TLN1: variants seen among roughly 807,000 people sequenced by gnomAD.
TLN1 encodes talin-1.
A neutral mutation model predicts 292.3 loss-of-function variants in TLN1; 56 were observed. The observed-to-expected ratio is 0.19, with a 90% confidence interval of 0.15 to 0.24. The LOEUF (loss-of-function observed/expected upper bound fraction) is 0.24, where lower values mean the gene tolerates loss of function less well. TLN1 is among the 10% of genes least tolerant of loss of function. The pLI is 1.00. For synonymous variants in TLN1, 1,119 were observed against 1,253.7 expected (o/e 0.89, Z 2.27); for missense variants, 2,433 against 3,248.2 (o/e 0.75, Z 6.10).
At position 35,697,486 on chromosome 9, in the gene TLN1, C is replaced by A; in HGVS notation, c.*305G>T. On this transcript the variant is annotated 3_prime_UTR_variant, in exon 57 of 57. Transcript: ENST00000314888. ...GTGGGGACTGGCCGGAAGCTGCTGGCAGGGTGGAGTGGGCTGGGGCCCCGG... is the reference window on the plus strand; with the variant it reads ...GTGGGGACTGGCCGGAAGCTGCTGGAAGGGTGGAGTGGGCTGGGGCCCCGG... The A allele has an allele frequency of 2.7e-6, 1 of 373,664 alleles. No homozygotes were observed. Among genetic ancestry groups the A allele is most frequent in the Non-Finnish European group, 4.9e-6 (1 of 205,476 alleles). 23.1% of individuals were successfully genotyped at this position (373,664 alleles called of 1,614,324 possible).
intron 17 of TLN1, among the ~76,000 whole-genome samples, chr9:35,718,356 C>T (rs923865633): frequency 6.6e-6 from 1 of 152,182 alleles, no homozygotes; most frequent in East Asian, 1.9e-4. Context: ...AGGCTGTTAC[C>T]GTAGGGGAAT....
In TLN1 at chr9:35,720,797, G is replaced by A. The variant is rs1437755738; in HGVS notation, c.1206+15C>T. ...AAGAGGCGATAAGGAGAAGGCTAGG[G>A]CAGGCAGTGCTCACCTTCTTCAGGA... is the stretch of plus-strand genomic sequence containing the variant. On this transcript the variant is annotated intron_variant, in intron 11 of 56. Coordinates refer to ENST00000314888, the MANE Select transcript of TLN1 (RefSeq NM_006289.4). 1.2e-6 allele frequency: 2 copies of A among 1,608,388 alleles called. No individual in the cohort carries two copies. The highest frequency in any genetic ancestry group is 2.7e-5 in the African/African-American group (2 of 74,802).
intron 20 of TLN1, 60 bp downstream of exon 20, chr9:35,716,330 C>T: frequency 6.3e-7 from 1 of 1,589,990 alleles, no homozygotes; most frequent in Non-Finnish European, 8.6e-7. Context: ...GGGTGACCAT[C>T]TGGACTGCTC....
In TLN1 at chr9:35,720,229, G is replaced by A. The variant is rs1190603289; in HGVS notation, c.1284-10C>T. On this transcript the variant is annotated splice_polypyrimidine_tract_variant and intron_variant, in intron 12 of 56. Transcript: ENST00000314888. ...CTGCAGGACTGTTGACCTGTAGAGG[G>A]GTGAACTATTGAGCTCACAGAGGAC... The A allele has an allele frequency of 1.3e-6, 2 of 1,571,768 alleles. No homozygotes were observed. Among genetic ancestry groups the A allele is most frequent in the South Asian group, 1.2e-5 (1 of 83,898 alleles).
At position 35,704,685 on chromosome 9, in the gene TLN1, C is replaced by G. The variant is rs771306375; in HGVS notation, c.5864G>C (p.Arg1955Pro). ...YTKKELIECA[R>P]RVSEKVSHVL... is the part of the protein sequence containing the mutation. ...CACCGTCACCTTCTCAGAGACTCTC[C>G]GGGCACACTCTATGAGCTCCTTCTT... Residue 1955 changes from arginine (R) to proline (P), a missense_variant, in exon 44 of 57, where the codon CGG becomes CCG. Arg to Pro is a moderately radical substitution (Grantham distance 103). Coordinates refer to ENST00000314888, the MANE Select transcript of TLN1 (RefSeq NM_006289.4). The surrounding 1 kb of genome is among the most constrained non-coding windows in gnomAD (Gnocchi z 6.9). The G allele has an allele frequency of 1.9e-6, 3 of 1,614,044 alleles. No homozygotes were observed. The South Asian group carries it at 3.3e-5, about 18-fold the overall frequency.
Position 35,707,286 on chromosome 9 carries a change from A to C in TLN1, c.4774-33T>G, listed in dbSNP as rs1182328587. ...GAGGGGAGGCAGGAAGGTAAGTCTC[A>C]GGAGTCCCTGGAAGATGAGGTGATA... On this transcript the variant is annotated intron_variant, in intron 36 of 56. Coordinates refer to ENST00000314888, the MANE Select transcript of TLN1 (RefSeq NM_006289.4). This position sits in a 1 kb window ranked among gnomAD's most constrained non-coding sequence, Gnocchi z 5.6. 5 of 1,606,340 alleles carry C rather than the reference A, an allele frequency of 3.1e-6. No individual in the cohort carries two copies. The highest frequency in any genetic ancestry group is 1.7e-5 in the Admixed American group (1 of 59,690).
chr9:35,699,886 A>C lies in TLN1; in HGVS notation c.6768+88T>G, dbSNP rs1825432491. The C allele has an allele frequency of 7.9e-6, 11 of 1,394,308 alleles. No homozygotes were observed. Among genetic ancestry groups the C allele is most frequent in the Middle Eastern group, 4.6e-4 (2 of 4,304 alleles). 86.4% of individuals were successfully genotyped at this position (1,394,308 alleles called of 1,614,324 possible). On this transcript the variant is annotated intron_variant, in intron 50 of 56. Transcript: ENST00000314888. This position sits in a 1 kb window ranked among gnomAD's most constrained non-coding sequence, Gnocchi z 4.0. ...GGTGGGGTAGGGAGGAGATCTGAGC[A>C]AAACAGACAGCAGGGTGCGAGGCCT...
At chr9:35,718,074 A>G (rs1298778904) in intron 17 of TLN1, among the ~76,000 whole-genome samples, 1 of 152,172 alleles carries the variant, frequency 6.6e-6, no homozygotes, top group African/African-American at 2.4e-5. Flanking sequence ...CGCTGTTACA[A>G]TGGGGTGGGG....
chr9:35,720,023 G>C lies in TLN1; in HGVS notation c.1464+16C>G, dbSNP rs377550571. 4.4e-6 allele frequency: 7 copies of C among 1,577,750 alleles called. No homozygotes were observed. In the African/African-American group the frequency reaches 6.8e-5, roughly 15 times the overall value. On this transcript the variant is annotated intron_variant, in intron 13 of 56. Coordinates refer to ENST00000314888, the MANE Select transcript of TLN1 (RefSeq NM_006289.4). ...AGAGAAGGGCCCTGGCACCGTGGTGGAAGTGGGACACTTACCAGAGGAGGC... is the reference window on the plus strand; with the variant it reads ...AGAGAAGGGCCCTGGCACCGTGGTGCAAGTGGGACACTTACCAGAGGAGGC...
At position 35,702,174 on chromosome 9, in the gene TLN1, T is replaced by C. The variant is rs1353145974; in HGVS notation, c.6474+1386A>G. ...GTGGCTAAGATGGTGAAGTCAAAGA[T>C]GACTGAGGTGGAATCTTCATGACTG... On this transcript the variant is annotated intron_variant, in intron 48 of 56. Coordinates refer to ENST00000314888, the MANE Select transcript of TLN1 (RefSeq NM_006289.4). 6.6e-5 allele frequency among the ~76,000 whole-genome samples: 10 copies of C among 152,072 alleles called. 1 individual carries two copies. Among genetic ancestry groups the C allele is most frequent in the Admixed American group, 6.5e-4 (10 of 15,270 alleles).
In TLN1 at chr9:35,725,272, T is replaced by A; in HGVS notation, c.180A>T (p.Ile60=). Residue 60 remains isoleucine (I), a synonymous_variant, in exon 3 of 57, where the codon ATA becomes ATT. Transcript: ENST00000314888. ...FLSDDDPKKG[I]WLEAGKALDY... is the part of the protein sequence containing the mutation. ...CCAAAGCTTTCCCAGCCTCCAGCCA[T>A]ATACCCTTTTTGGGGTCATCATCTG... The A allele has an allele frequency of 6.2e-7, 1 of 1,614,172 alleles. No homozygotes were observed. Among genetic ancestry groups the A allele is most frequent in the Non-Finnish European group, 8.5e-7 (1 of 1,180,030 alleles).
chr9:35,722,979 C>T, intron 7 of TLN1, 58 bp from the exon 8 acceptor site: 1 of 1,529,190 alleles, frequency 6.5e-7, no homozygotes, highest in Admixed American at 1.7e-5. Flanking sequence ...ACATGTGGGC[C>T]ATGAACTGTG....
rs1453247162 is a variant in TLN1 at position 35,725,170 on chromosome 9, C to T, written c.228+54G>A. On this transcript the variant is annotated intron_variant, in intron 3 of 56. Transcript: ENST00000314888. ...TGGGTGCTGAAAACAGGAGGTGGAA[C>T]AGGGAGAAGCTGATGGAAGGGGATG... The T allele has an allele frequency of 2.5e-6, 4 of 1,594,390 alleles. No homozygotes were observed. In the African/African-American group the frequency reaches 4.0e-5, roughly 16 times the overall value.
rs778651165 is a variant in TLN1, at chr9:35,697,509, C to T, written c.*282G>A. 14 of 416,988 alleles carry T rather than the reference C, an allele frequency of 3.4e-5. No individual in the cohort carries two copies. The highest frequency in any genetic ancestry group is 1.2e-4 in the East Asian group (3 of 24,278). 25.8% of individuals were successfully genotyped at this position (416,988 alleles called of 1,614,324 possible). On this transcript the variant is annotated 3_prime_UTR_variant, in exon 57 of 57. Coordinates refer to ENST00000314888, the MANE Select transcript of TLN1 (RefSeq NM_006289.4). The stretch of plus-strand genomic sequence containing the variant: ...GGCAGGGTGGAGTGGGCTGGGGCCC[C>T]GGCAGATTCAGATCGAGGTACAGCA...
Position 35,717,890 on chromosome 9 carries a change from G to A in TLN1, c.1996-104C>T, listed in dbSNP as rs570733125. 1.4e-6 allele frequency: 2 copies of A among 1,398,902 alleles called. No homozygotes were observed. The highest frequency in any genetic ancestry group is 1.9e-6 in the Non-Finnish European group (2 of 1,030,924). The allele number at this position is 1,398,902 out of a possible 1,614,324, so 86.7% of individuals were successfully genotyped here. On this transcript the variant is annotated intron_variant, in intron 17 of 56. Coordinates refer to ENST00000314888, the MANE Select transcript of TLN1 (RefSeq NM_006289.4). This position sits in a 1 kb window ranked among gnomAD's most constrained non-coding sequence, Gnocchi z 4.7. ...CATTATTCCCACTGATCCAATCAAA[G>A]GAGAGTGTACGCAGAAGCAACCAGA...
In TLN1 at chr9:35,704,854, G is replaced by A; in HGVS notation, c.5734-39C>T. ...GAAAGACAGATGGATTTTACAAGGG[G>A]CACTCAGGGTACCTTCACTGTGCTT... On this transcript the variant is annotated intron_variant, in intron 43 of 56. Coordinates refer to ENST00000314888, the MANE Select transcript of TLN1 (RefSeq NM_006289.4). This position sits in a 1 kb window ranked among gnomAD's most constrained non-coding sequence, Gnocchi z 6.9. 1 of 1,601,434 alleles carries A rather than the reference G, an allele frequency of 6.2e-7. No homozygotes were observed. Among genetic ancestry groups the A allele is most frequent in the Non-Finnish European group, 8.5e-7 (1 of 1,170,432 alleles).
At position 35,706,497 on chromosome 9, in the gene TLN1, G is replaced by A; in HGVS notation, c.5143C>T (p.Pro1715Ser). The change falls in exon 39 of 57, where the codon CCG (proline) becomes TCG (serine). Residue 1715 changes from proline to serine, a missense_variant. Physicochemically the swap from Pro to Ser is moderately conservative, Grantham distance 74 (BLOSUM62 -1). Coordinates refer to ENST00000314888, the MANE Select transcript of TLN1 (RefSeq NM_006289.4). The surrounding 1 kb of genome is among the most constrained non-coding windows in gnomAD (Gnocchi z 4.2). ...AVQEISHLIEPLANAARAEAS... is the reference protein window; with the variant it reads ...AVQEISHLIESLANAARAEAS... Reference sequence around the variant, plus strand: ...TCAGCCCGGGCAGCATTGGCCAGCGGCTCAATGAGATGGGAGATCTCTTGG... The same window carrying A: ...TCAGCCCGGGCAGCATTGGCCAGCGACTCAATGAGATGGGAGATCTCTTGG... 1 of 1,614,116 alleles carries A rather than the reference G, an allele frequency of 6.2e-7. No individual in the cohort carries two copies. Among genetic ancestry groups the A allele is most frequent in the Non-Finnish European group, 8.5e-7 (1 of 1,180,020 alleles).
At chr9:35,711,472 C>G in intron 29 of TLN1, 78 bp from the exon 30 acceptor site, 9 of 1,607,802 alleles carry the variant, frequency 5.6e-6, no homozygotes, top group Non-Finnish European at 7.7e-6. Context: ...TTCCCAGACA[C>G]TCAAGTAGTG....
rs764881165 is a variant in TLN1, at chr9:35,704,701, G to A, written c.5848C>T (p.Leu1950Phe). The A allele has an allele frequency of 3.7e-6, 6 of 1,614,040 alleles. No individual in the cohort carries two copies. In the Admixed American group the frequency reaches 6.7e-5, roughly 18 times the overall value. Residue 1950 changes from leucine (L) to phenylalanine (F), a missense_variant, in exon 44 of 57, where the codon CTC becomes TTC. Leu to Phe is a conservative substitution (Grantham distance 22, BLOSUM62 0). Transcript: ENST00000314888. This position sits in a 1 kb window ranked among gnomAD's most constrained non-coding sequence, Gnocchi z 6.9. ...SPSDAYTKKE[L>F]IECARRVSEK... ...GAGACTCTCCGGGCACACTCTATGAGCTCCTTCTTGGTGTAGGCATCACTG... is the reference window on the plus strand; with the variant it reads ...GAGACTCTCCGGGCACACTCTATGAACTCCTTCTTGGTGTAGGCATCACTG...
Sources: allele counts gnomAD v4.1 joint callset (sites outside exome capture counted in the v4.1 genomes callset), GRCh38; gene constraint gnomAD v4.1.1; non-coding constraint Gnocchi (gnomAD v3.1); transcripts MANE v1.5; gene names NCBI Gene and HGNC (gene_info 2026-07-23, HGNC 2026-07-21).